GATA5: variants seen among roughly 807,000 people sequenced by gnomAD.
GATA5 encodes GATA binding protein 5, also known as transcription factor GATA-5.
GATA5 carries 27 observed loss-of-function variants against 35.0 expected under a neutral mutation model. That is an observed-to-expected ratio of 0.77 (90% confidence interval 0.57 to 1.06). The LOEUF (loss-of-function observed/expected upper bound fraction) is 1.06. Ranked by LOEUF, GATA5 falls within the 50% of genes least tolerant of loss-of-function variation. The probability of loss-of-function intolerance (pLI) is 0.00; values close to 1 mark genes in which losing one functional copy is unlikely to be tolerated. For synonymous variants in GATA5, 306 were observed against 267.8 expected (o/e 1.14, Z -1.39); for missense variants, 612 against 580.0 (o/e 1.06, Z -0.57).
chr20:62,465,670 A>C (rs1487977727), intron 5 of GATA5, among the ~76,000 whole-genome samples, 164 bp downstream of exon 5: 2 of 151,342 alleles, frequency 1.3e-5, no homozygotes, highest in African/African-American at 4.9e-5. Context: ...CCACCCTGGC[A>C]CCCCACACCC....
At chr20:62,468,250 C>T (rs919156810) in intron 3 of GATA5, among the ~76,000 whole-genome samples, 3 of 151,718 alleles carry the variant, frequency 2.0e-5, no homozygotes, top group East Asian at 2.0e-4. Context: ...TCGGTTTCCC[C>T]GTCTGTTACT....
chr20:62,464,761 G>T lies in GATA5; in HGVS notation c.*75C>A. The T allele has an allele frequency of 7.5e-7, 1 of 1,332,884 alleles. No individual in the cohort carries two copies. Among genetic ancestry groups the T allele is most frequent in the Non-Finnish European group, 1.0e-6 (1 of 983,174 alleles). 82.6% of individuals were successfully genotyped at this position (1,332,884 alleles called of 1,614,324 possible). On this transcript the variant is annotated 3_prime_UTR_variant, in exon 7 of 7. Coordinates refer to ENST00000252997, the MANE Select transcript of GATA5 (RefSeq NM_080473.5). ...GCCTGCTGGTCTCTGCTGTGCTGGA[G>T]CAAAGCAGGCACGGAGGTGACTCAG...
chr20:62,475,154 C>G lies in GATA5; in HGVS notation c.368G>C (p.Arg123Pro). The change falls in exon 2 of 7, where the codon CGA (arginine) becomes CCA (proline). Residue 123 changes from arginine (R) to proline (P), a missense_variant. Physicochemically the swap from Arg to Pro is moderately radical, Grantham distance 103. Transcript: ENST00000252997. ...GSAYQGALLP[R>P]EQFAAPLGRP... ...CCCAAGCGGGGCCGCGAACTGTTCT[C>G]GAGGCAACAGCGCGCCCTGGTAGGC... is the stretch of plus-strand genomic sequence containing the variant. 1.5e-6 allele frequency: 2 copies of G among 1,324,592 alleles called. No homozygotes were observed. Among genetic ancestry groups the G allele is most frequent in the South Asian group, 4.2e-5 (2 of 47,392 alleles). 82.1% of individuals were successfully genotyped at this position (1,324,592 alleles called of 1,614,324 possible). A position where few individuals can be genotyped will look rare whatever the true frequency, so the allele number is the denominator to read the frequency against.
chr20:62,475,009 C>A lies in GATA5; in HGVS notation c.513G>T (p.Arg171Ser). The A allele has an allele frequency of 7.4e-7, 1 of 1,354,094 alleles. No homozygotes were observed. The highest frequency in any genetic ancestry group is 3.7e-5 in the Admixed American group (1 of 27,360). The allele number at this position is 1,354,094 out of a possible 1,614,324, so 83.9% of individuals were successfully genotyped here. A position where few individuals can be genotyped will look rare whatever the true frequency, so the allele number is the denominator to read the frequency against. Residue 171 changes from arginine (R) to serine (S), a missense_variant, in exon 2 of 7, where the codon AGG (arginine) becomes AGT (serine). By Grantham distance (110) the Arg-to-Ser change is moderately radical. Transcript: ENST00000252997. ...GSVLHGLPGR[R>S]PTFVSDFLEE... ...AGCCCCCGCACTCACCGAAGGTGGG[C>A]CTGCGGCCTGGGAGGCCGTGCAGGA...
Position 62,468,756 on chromosome 20 carries a change from G to A in GATA5, c.700-2205C>T, listed in dbSNP as rs1157816961. Among the ~76,000 whole-genome samples, 4 of 152,254 alleles carry A rather than the reference G, an allele frequency of 2.6e-5. No homozygotes were observed. In the East Asian group the frequency reaches 7.7e-4, roughly 29 times the overall value. On this transcript the variant is annotated intron_variant, in intron 3 of 6. Transcript: ENST00000252997. ...AGCATCCAGCCACTCAGGGTCTCCAGTGGTCTCTCTAGGGGGATGCTGGGG... is the reference window on the plus strand; with the variant it reads ...AGCATCCAGCCACTCAGGGTCTCCAATGGTCTCTCTAGGGGGATGCTGGGG...
intron 5 of GATA5, 126 bp downstream of exon 5, chr20:62,465,708 G>C (rs927574508): frequency 1.1e-6 from 1 of 896,670 alleles, no homozygotes; most frequent in Admixed American, 2.1e-5. Flanking sequence ...ACAGGGCAGA[G>C]CTGGGGGCAT....
chr20:62,464,880 C>T lies in GATA5; in HGVS notation c.1150G>A (p.Gly384Arg). 6.2e-7 allele frequency: 1 copy of T among 1,610,476 alleles called. No individual in the cohort carries two copies. The highest frequency in any genetic ancestry group is 8.5e-7 in the Non-Finnish European group (1 of 1,178,730). The change falls in exon 7 of 7, where the codon GGG (glycine) becomes AGG (arginine). Residue 384 changes from glycine to arginine, a missense_variant. By Grantham distance (125) the Gly-to-Arg change is moderately radical (BLOSUM62 -2). Transcript: ENST00000252997. ...CACCAGGCCTCTTGGCGCAGAGCCCCCCTGAGGCCAGCCTGGGGGCTTGGG... is the reference window on the plus strand; with the variant it reads ...CACCAGGCCTCTTGGCGCAGAGCCCTCCTGAGGCCAGCCTGGGGGCTTGGG... ...TAPSPQAGLRGALRQEAWCAL... is the reference protein window; with the variant it reads ...TAPSPQAGLRRALRQEAWCAL...
At chr20:62,467,926 T>C (rs897450999) in intron 3 of GATA5, among the ~76,000 whole-genome samples, 1 of 150,948 alleles carries the variant, frequency 6.6e-6, no homozygotes, top group African/African-American at 2.4e-5. Context: ...TTTTCCTGTC[T>C]GTTACAGCCC....
rs1555897020 is a variant in GATA5, at chr20:62,475,277, G to A, written c.245C>T (p.Pro82Leu). The change falls in exon 2 of 7, where the codon CCC becomes CTC. Residue 82 changes from proline to leucine, a missense_variant. By Grantham distance (98) the Pro-to-Leu change is moderately conservative. Transcript: ENST00000252997. Reference sequence around the variant, plus strand: ...GGCCCCGGGCGGGTGCGCGGCTGGGGGGTGCGGACTGCCCGGGCCGAAGGC... The same window carrying A: ...GGCCCCGGGCGGGTGCGCGGCTGGGAGGTGCGGACTGCCCGGGCCGAAGGC... ...SSAFGPGSPHPPAAHPPGATA... is the reference protein window; with the variant it reads ...SSAFGPGSPHLPAAHPPGATA... 8.0e-7 allele frequency: 1 copy of A among 1,246,024 alleles called. No individual in the cohort carries two copies. The highest frequency in any genetic ancestry group is 1.6e-5 in the African/African-American group (1 of 64,508). The allele number at this position is 1,246,024 out of a possible 1,614,324, so 77.2% of individuals were successfully genotyped here. A position where few individuals can be genotyped will look rare whatever the true frequency, so the allele number is the denominator to read the frequency against.
Position 62,463,970 on chromosome 20 carries a change from A to AG in GATA5, c.*865dup, listed in dbSNP as rs1460674306. 2.6e-5 allele frequency: 4 copies of AG among 151,670 alleles called. No individual in the cohort carries two copies. Among genetic ancestry groups the AG allele is most frequent in the Admixed American group, 1.3e-4 (2 of 15,240 alleles). 9.4% of individuals were successfully genotyped at this position (151,670 alleles called of 1,614,324 possible). A position where few individuals can be genotyped will look rare whatever the true frequency, so the allele number is the denominator to read the frequency against. On this transcript the variant is annotated 3_prime_UTR_variant, in exon 7 of 7. Coordinates refer to ENST00000252997, the MANE Select transcript of GATA5 (RefSeq NM_080473.5). ...TGTGGAGGGGGCTTGCAAGAGAAAGAGGGGTCACTAACAATTCTCCTGGGA... is the reference window on the plus strand; with the variant it reads ...TGTGGAGGGGGCTTGCAAGAGAAAGAGGGGGTCACTAACAATTCTCCTGGGA...
In GATA5 at chr20:62,466,543, G is replaced by A. The variant is rs781988529; in HGVS notation, c.708C>T (p.Ser236=). The change falls in exon 4 of 7, where the codon TCC becomes TCT. Residue 236 remains serine (S), a synonymous_variant. Transcript: ENST00000252997. The part of the protein sequence containing the change: ...LVRPQKRLSS[S]RRAGLCCTNC... ...TGGTGCAGCAGAGGCCGGCGCGGCG[G>A]GACGAGGACTGTGGGGGCGAGGGAG... 2.6e-6 allele frequency: 4 copies of A among 1,551,752 alleles called. No homozygotes were observed. The East Asian group carries it at 9.7e-5, about 38-fold the overall frequency.
rs1989838619 is a variant in GATA5 at position 62,475,502 on chromosome 20, A to C, written c.20T>G (p.Leu7Arg). 2.3e-6 allele frequency: 3 copies of C among 1,320,262 alleles called. No individual in the cohort carries two copies. Among genetic ancestry groups the C allele is most frequent in the Non-Finnish European group, 2.9e-6 (3 of 1,037,210 alleles). 81.8% of individuals were successfully genotyped at this position (1,320,262 alleles called of 1,614,324 possible). A position where few individuals can be genotyped will look rare whatever the true frequency, so the allele number is the denominator to read the frequency against. The stretch of plus-strand genomic sequence containing the variant: ...GGCGGCCTGGCGGGGGCTCGCGGCC[A>C]GCGCCAGGCTCTGGTACATCCTCCC... The part of the protein sequence containing the change: MYQSLA[L>R]AASPRQAAYA... The change falls in exon 2 of 7, where the codon CTG (leucine) becomes CGG (arginine). Residue 7 changes from leucine to arginine, a missense_variant. Coordinates refer to ENST00000252997, the MANE Select transcript of GATA5 (RefSeq NM_080473.5).
In GATA5 at chr20:62,464,970, A is replaced by G. The variant is rs1486363546; in HGVS notation, c.1060T>C (p.Ser354Pro). 1.4e-6 allele frequency: 2 copies of G among 1,436,796 alleles called. No individual in the cohort carries two copies. Among genetic ancestry groups the G allele is most frequent in the Admixed American group, 3.8e-5 (2 of 52,304 alleles). 89.0% of individuals were successfully genotyped at this position (1,436,796 alleles called of 1,614,324 possible). A position where few individuals can be genotyped will look rare whatever the true frequency, so the allele number is the denominator to read the frequency against. Residue 354 changes from serine to proline, a missense_variant, in exon 7 of 7, where the codon TCT (serine) becomes CCT (proline). Transcript: ENST00000252997. ...APQASGQEDD[S>P]LAPGHLEFKF... ...AACTCCAAGTGGCCGGGGGCAAGAG[A>G]GTCATCCTCCTGGCCAGAGGCCTGC...
rs1989780819 is a variant in GATA5 at position 62,473,703 on chromosome 20, A to T, written c.524-125T>A. 3.8e-6 allele frequency: 3 copies of T among 796,082 alleles called. No homozygotes were observed. In the East Asian group the frequency reaches 8.2e-5, roughly 22 times the overall value. 49.3% of individuals were successfully genotyped at this position (796,082 alleles called of 1,614,324 possible). On this transcript the variant is annotated intron_variant, in intron 2 of 6. Transcript: ENST00000252997. ...TTCGTCAGACGAATAAACTTAAGGCACAAATCTTGTGCCTTAGATGTATTT... is the reference window on the plus strand; with the variant it reads ...TTCGTCAGACGAATAAACTTAAGGCTCAAATCTTGTGCCTTAGATGTATTT...
chr20:62,469,538 G>A (rs895733172), intron 3 of GATA5, among the ~76,000 whole-genome samples: 2 of 152,220 alleles, frequency 1.3e-5, no homozygotes. Context: ...ACGGAGCCAC[G>A]TCTGAGACAC....
Position 62,465,336 on chromosome 20 carries a change from TTACCTGGG to T in GATA5, c.1034_1038+3del. On this transcript the variant is annotated splice_donor_variant and splice_donor_region_variant and coding_sequence_variant and intron_variant, in exon 6 of 7. Coordinates refer to ENST00000252997, the MANE Select transcript of GATA5 (RefSeq NM_080473.5). LOFTEE classifies it high-confidence loss of function. ...GGGCACCCCACCCCAGCCCACCCCC[TTACCTGGG>T]GGGCCATGCTGGGCCCAGGGCACAC... 1 of 990,138 alleles carries T rather than the reference TTACCTGGG, an allele frequency of 1.0e-6. No homozygotes were observed. The highest frequency in any genetic ancestry group is 1.5e-6 in the Non-Finnish European group (1 of 683,452). 61.3% of individuals were successfully genotyped at this position (990,138 alleles called of 1,614,324 possible). A position where few individuals can be genotyped will look rare whatever the true frequency, so the allele number is the denominator to read the frequency against.
chr20:62,465,659 AC>A (rs1417700470), intron 5 of GATA5, among the ~76,000 whole-genome samples, 174 bp downstream of exon 5: 15 of 151,608 alleles, frequency 9.9e-5, no homozygotes, highest in Non-Finnish European at 2.2e-4. Context: ...ACATGCTGTC[AC>A]CACCCTGGCA....
intron 3 of GATA5, among the ~76,000 whole-genome samples, chr20:62,472,368 A>G (rs1247031577): frequency 6.6e-6 from 1 of 152,196 alleles, no homozygotes; most frequent in Non-Finnish European, 1.5e-5. Context: ...ATTTCCCCTC[A>G]GCCTGTAACT....
rs1989497030 is a variant in GATA5, at chr20:62,463,619, C to T, written c.*1217G>A. The stretch of plus-strand genomic sequence containing the variant: ...GGGACAGTTTCAGAATGACCGGACC[C>T]GCTCCTGAAGCTGATGCCAGACAAC... On this transcript the variant is annotated 3_prime_UTR_variant, in exon 7 of 7. Coordinates refer to ENST00000252997, the MANE Select transcript of GATA5 (RefSeq NM_080473.5). The T allele has an allele frequency of 2.0e-5, 3 of 151,934 alleles. No homozygotes were observed. Among genetic ancestry groups the T allele is most frequent in the South Asian group, 2.1e-4 (1 of 4,798 alleles). 9.4% of individuals were successfully genotyped at this position (151,934 alleles called of 1,614,324 possible).
Sources: gnomAD v4.1 joint callset for allele counts (sites outside exome capture counted in the v4.1 genomes callset) on GRCh38, gnomAD v4.1.1 for gene constraint, MANE v1.5 for transcripts, NCBI Gene and HGNC (gene_info 2026-07-23, HGNC 2026-07-21) for gene names.